The following RSF1 variants were observed in gnomAD, a reference collection of about 807,000 sequenced individuals.
The protein encoded by RSF1 is HBV pX-associated protein 8.
Under a neutral mutation model 145.2 loss-of-function variants are expected in RSF1, and 13 were observed. The observed-to-expected ratio is 0.09, with a 90% CI of 0.06 to 0.14. RSF1 has a LOEUF of 0.14. RSF1 is among the 10% of genes least tolerant of loss of function. The pLI, the probability that RSF1 is intolerant of heterozygous loss-of-function variation, is 1.00. For missense variants in RSF1, 1,517 were observed against 1,718.2 expected, an observed-to-expected ratio of 0.88 and a Z score of 2.07; for synonymous variants, 577 against 592.6, an observed-to-expected ratio of 0.97 and a Z score of 0.38.
the RSF1 span, among the ~76,000 whole-genome samples, chr11:77,844,402 G>A: frequency 7.9e-5 from 12 of 151,470 alleles, no homozygotes; most frequent in South Asian, 4.2e-4. Context: ...TCCCTCTGTC[G>A]TCCAGGCTAG....
chr11:77,800,389 G>C (rs927977639), intron 1 of RSF1, among the ~76,000 whole-genome samples: 2 of 152,082 alleles, frequency 1.3e-5, no homozygotes, highest in Non-Finnish European at 2.9e-5. Flanking sequence ...CTTTGCGGGA[G>C]GCTGAGGCAG....
chr11:77,756,677 C>G (rs925689813), intron 2 of RSF1, among the ~76,000 whole-genome samples: 6 of 152,130 alleles, frequency 3.9e-5, no homozygotes, highest in African/African-American at 1.4e-4. Flanking sequence ...AAAGAAAATT[C>G]TCTAACAACC....
chr11:77,852,072 T>G, the RSF1 span, among the ~76,000 whole-genome samples: 1 of 151,140 alleles, frequency 6.6e-6, no homozygotes, highest in African/African-American at 2.4e-5. Context: ...CTAAATAATT[T>G]GGAAGTAGTT....
intron 5 of RSF1, chr11:77,702,805 G>A (rs995606590): frequency 3.6e-5 from 7 of 194,940 alleles, no homozygotes; most frequent in Non-Finnish European, 2.1e-5. Flanking sequence ...TCAAGAGATG[G>A]CTTAAAAACA....
At chr11:77,818,978 AG>A (rs1329335889) in intron 1 of RSF1, among the ~76,000 whole-genome samples, 1 of 152,222 alleles carries the variant, frequency 6.6e-6, no homozygotes, top group Non-Finnish European at 1.5e-5. Flanking sequence ...GAATGTGGAC[AG>A]GTAAGAACAG....
In RSF1 at chr11:77,665,013, C is replaced by A. The variant is rs1258924999; in HGVS notation, c.*1904G>T. On this transcript the variant is annotated 3_prime_UTR_variant, in exon 16 of 16. Transcript: ENST00000308488. ...ACAGATACATACACATTGCTAGAATCAAAGCAAAAATATTAATGGGCAGGT... is the reference window on the plus strand; with the variant it reads ...ACAGATACATACACATTGCTAGAATAAAAGCAAAAATATTAATGGGCAGGT... 1.3e-5 allele frequency: 2 copies of A among 151,954 alleles called. No homozygotes were observed. Among genetic ancestry groups the A allele is most frequent in the African/African-American group, 4.8e-5 (2 of 41,364 alleles). The allele number at this position is 151,954 out of a possible 1,614,324, so 9.4% of individuals were successfully genotyped here. A position where few individuals can be genotyped will look rare whatever the true frequency, so the allele number is the denominator to read the frequency against.
chr11:77,735,154 G>GC (rs1961315374), intron 4 of RSF1: 1 of 703,806 alleles, frequency 1.4e-6, no homozygotes, highest in South Asian at 1.5e-5. Flanking sequence ...GCGGCCGGCT[G>GC]GGGTGGGGGA....
In RSF1 at chr11:77,701,136, T is replaced by A. The variant is rs769533616; in HGVS notation, c.2093A>T (p.Lys698Met). The A allele has an allele frequency of 6.2e-7, 1 of 1,613,962 alleles. No homozygotes were observed. Among genetic ancestry groups the A allele is most frequent in the Admixed American group, 1.7e-5 (1 of 59,968 alleles). Reference protein sequence around the residue: ...TSGIEEPSETKGSMQKSKFKY... With the variant: ...TSGIEEPSETMGSMQKSKFKY... The stretch of plus-strand genomic sequence containing the variant: ...GAATTTGCTTTTTTGCATAGAACCC[T>A]TTGTCTCAGAAGGCTCCTCTATGCC... The change falls in exon 6 of 16, where the codon AAG (lysine) becomes ATG (methionine). Residue 698 changes from lysine (K) to methionine (M), a missense_variant. Transcript: ENST00000308488.
At chr11:77,852,672 T>C in the RSF1 span, among the ~76,000 whole-genome samples, 1 of 152,220 alleles carries the variant, frequency 6.6e-6, no homozygotes, top group African/African-American at 2.4e-5. Context: ...TCCATGTAGG[T>C]AATTATTTTG....
the RSF1 span, among the ~76,000 whole-genome samples, chr11:77,858,432 G>A: frequency 2.7e-3 from 409 of 150,270 alleles, no homozygotes; most frequent in African/African-American, 9.1e-3. Flanking sequence ...GCTCTCAGGC[G>A]ATAGATGATT....
intron 9 of RSF1, among the ~76,000 whole-genome samples, chr11:77,690,173 A>C (rs200067240): frequency 0.18 from 27,010 of 150,664 alleles, 3,225 homozygotes; most frequent in African/African-American, 0.31. Context: ...AAAAAAAAAA[A>C]AAAAAAACAA....
At chr11:77,711,936 G>C (rs755825360) in intron 5 of RSF1, among the ~76,000 whole-genome samples, 1 of 151,766 alleles carries the variant, frequency 6.6e-6, no homozygotes, top group Non-Finnish European at 1.5e-5. Flanking sequence ...TGTCTCTTCT[G>C]ACCCTGACAC....
chr11:77,846,175 T>C, the RSF1 span, among the ~76,000 whole-genome samples: 2 of 152,228 alleles, frequency 1.3e-5, no homozygotes, highest in African/African-American at 4.8e-5. Flanking sequence ...GGTCTGCTAA[T>C]TTACCTTAGT....
At chr11:77,742,111 G>A (rs1361511447) in intron 3 of RSF1, among the ~76,000 whole-genome samples, 1 of 152,222 alleles carries the variant, frequency 6.6e-6, no homozygotes, top group Non-Finnish European at 1.5e-5. Context: ...GAACACAGGA[G>A]TGCAGATACC....
At chr11:77,797,282 A>C (rs943973680) in intron 1 of RSF1, among the ~76,000 whole-genome samples, 1 of 152,224 alleles carries the variant, frequency 6.6e-6, no homozygotes, top group African/African-American at 2.4e-5. Context: ...TAGAGTAACC[A>C]CAACAGCATT....
chr11:77,698,753 C>T (rs1354857325), intron 6 of RSF1, 60 bp from the exon 7 acceptor site: 2 of 1,367,494 alleles, frequency 1.5e-6, no homozygotes. Context: ...TAAAAATCTC[C>T]TGATTACATG....
At chr11:77,709,704 TA>T (rs1016403077) in intron 5 of RSF1, among the ~76,000 whole-genome samples, 12 of 150,462 alleles carry the variant, frequency 8.0e-5, no homozygotes, top group Admixed American at 2.0e-4. Flanking sequence ...CTTTTTTTTT[TA>T]AATGTTTTTT....
intron 1 of RSF1, among the ~76,000 whole-genome samples, chr11:77,795,275 A>T (rs927840929): frequency 3.9e-5 from 6 of 152,040 alleles, no homozygotes; most frequent in African/African-American, 1.4e-4. Flanking sequence ...TGCTCAAAGC[A>T]ATCTACAGAT....
chr11:77,711,832 T>C (rs1960692344), intron 5 of RSF1, among the ~76,000 whole-genome samples: 1 of 152,164 alleles, frequency 6.6e-6, no homozygotes, highest in East Asian at 1.9e-4. Context: ...TTTCCTTCAA[T>C]GTCCTTTTTT....
Sources: allele counts gnomAD v4.1 joint callset (sites outside exome capture counted in the v4.1 genomes callset), GRCh38; gene constraint gnomAD v4.1.1; transcripts MANE v1.5; gene names NCBI Gene and HGNC (gene_info 2026-07-23, HGNC 2026-07-21).